CYB5D1: variants seen among roughly 807,000 people sequenced by gnomAD.
CYB5D1 encodes the protein cytochrome b5 domain-containing protein 1.
A neutral mutation model predicts 24.3 loss-of-function variants in CYB5D1; 30 were observed. The ratio of observed to expected loss-of-function variants is 1.23; its 90% CI spans 0.92 to 1.67. CYB5D1 has a LOEUF of 1.67. Among genes scored for constraint, CYB5D1 ranks in the 40% most tolerant of loss-of-function variants. CYB5D1 has a pLI of 0.00. For missense variants in CYB5D1, 265 were observed against 296.7 expected (o/e 0.89, Z 0.79); for synonymous variants, 128 against 123.2 (o/e 1.04, Z -0.26).
chr17:7,858,080 G>C lies in CYB5D1; in HGVS notation c.-55G>C. The C allele has an allele frequency of 1.2e-6, 2 of 1,605,528 alleles. No individual in the cohort carries two copies. Among genetic ancestry groups the C allele is most frequent in the African/African-American group, 2.7e-5 (2 of 74,966 alleles). On this transcript the variant is annotated 5_prime_UTR_variant, in exon 1 of 4. Transcript: ENST00000332439. ...CGGAGGTCGTAGTAGTAGTGAGTAC[G>C]TGCTGAGGAGCAAAGGAGTAACCAA...
At position 7,859,371 on chromosome 17, in the gene CYB5D1, G is replaced by A. The variant is rs141970156; in HGVS notation, c.457-11G>A. The A allele has an allele frequency of 0.023, 36,961 of 1,611,174 alleles. 580 individuals carry two copies. The highest frequency in any genetic ancestry group is 0.078 in the Middle Eastern group (473 of 6,054). ...AGAATTCTGGGGGTGGGGTGCTTCT[G>A]TGTTCTCCAGGTGGGGGTTCTGGAG... On this transcript the variant is annotated splice_polypyrimidine_tract_variant and intron_variant, in intron 3 of 3. Transcript: ENST00000332439.
At position 7,859,624 on chromosome 17, in the gene CYB5D1, T is replaced by C; in HGVS notation, c.*12T>C. On this transcript the variant is annotated 3_prime_UTR_variant, in exon 4 of 4. Transcript: ENST00000332439. ...TCACGGAGTTGTAGGCAAGGAGATG[T>C]ACACTCGTGTAGACTCAAGACGTAT... The C allele has an allele frequency of 1.2e-6, 2 of 1,611,506 alleles. No individual in the cohort carries two copies. The highest frequency in any genetic ancestry group is 1.7e-6 in the Non-Finnish European group (2 of 1,177,688).
Position 7,859,818 on chromosome 17 carries a change from T to C in CYB5D1, c.*206T>C. On this transcript the variant is annotated 3_prime_UTR_variant, in exon 4 of 4. Transcript: ENST00000332439. ...TCTGAGAAAATTAGTGAATTAATCTTTGGGAATGATACAAGAAGATCAAGT... is the reference window on the plus strand; with the variant it reads ...TCTGAGAAAATTAGTGAATTAATCTCTGGGAATGATACAAGAAGATCAAGT... 1 of 568,006 alleles carries C rather than the reference T, an allele frequency of 1.8e-6. No individual in the cohort carries two copies. The highest frequency in any genetic ancestry group is 3.1e-6 in the Non-Finnish European group (1 of 317,908). 35.2% of individuals were successfully genotyped at this position (568,006 alleles called of 1,614,324 possible).
chr17:7,862,201 A>T lies in CYB5D1; in HGVS notation c.*2589A>T, dbSNP rs2078888207. 1 of 152,138 alleles carries T rather than the reference A, an allele frequency of 6.6e-6. No homozygotes were observed. Among genetic ancestry groups the T allele is most frequent in the South Asian group, 2.1e-4 (1 of 4,828 alleles). The allele number at this position is 152,138 out of a possible 1,614,324, so 9.4% of individuals were successfully genotyped here. ...AGATTGTAAGCTCACGAGGGCAGAG[A>T]TCTTGTTCACATCTTGCTCACTGCT... is the stretch of plus-strand genomic sequence containing the variant. On this transcript the variant is annotated 3_prime_UTR_variant, in exon 4 of 4. Coordinates refer to ENST00000332439, the MANE Select transcript of CYB5D1 (RefSeq NM_144607.6).
In CYB5D1 at chr17:7,858,409, T is replaced by A; in HGVS notation, c.167T>A (p.Leu56Gln). Residue 56 changes from leucine to glutamine, a missense_variant, in exon 2 of 4, where the codon CTG (leucine) becomes CAG (glutamine). Physicochemically the swap from Leu to Gln is moderately radical, Grantham distance 113. Transcript: ENST00000332439. ...CTGTGCTGCTCTTTTCAAGGGAACC[T>A]GCTGCTGAAACCCATCGTGGAAGTT... is the stretch of plus-strand genomic sequence containing the variant. ...TSLAQEYKGN[L>Q]LLKPIVEVAG... 6.2e-7 allele frequency: 1 copy of A among 1,614,140 alleles called. No homozygotes were observed.
In CYB5D1 at chr17:7,861,227, G is replaced by C. The variant is rs376235961; in HGVS notation, c.*1615G>C. 141 of 152,206 alleles carry C rather than the reference G, an allele frequency of 9.3e-4. No individual in the cohort carries two copies. The highest frequency in any genetic ancestry group is 3.2e-3 in the African/African-American group (134 of 41,522). The allele number at this position is 152,206 out of a possible 1,614,324, so 9.4% of individuals were successfully genotyped here. The stretch of plus-strand genomic sequence containing the variant: ...GTGTCTTCTGGCAGGGGACACCAGG[G>C]CCCAGCACAGGAGAAGGTGGCCCCT... On this transcript the variant is annotated 3_prime_UTR_variant, in exon 4 of 4. Transcript: ENST00000332439.
Position 7,858,276 on chromosome 17 carries a change from T to C in CYB5D1, c.142T>C (p.Leu48=), listed in dbSNP as rs766667563. Residue 48 remains leucine, a synonymous_variant, in exon 1 of 4, where the codon TTG becomes CTG. Coordinates refer to ENST00000332439, the MANE Select transcript of CYB5D1 (RefSeq NM_144607.6). ...GGGACGCGTGTACGACCTAACGTCATTGGCACAGGAATACAAGGGTAAGGG... is the reference window on the plus strand; with the variant it reads ...GGGACGCGTGTACGACCTAACGTCACTGGCACAGGAATACAAGGGTAAGGG... ...YLGRVYDLTS[L]AQEYKGNLLL... 4 of 1,613,874 alleles carry C rather than the reference T, an allele frequency of 2.5e-6. No individual in the cohort carries two copies. The highest frequency in any genetic ancestry group is 1.3e-5 in the African/African-American group (1 of 74,922).
chr17:7,859,120 T>C, intron 3 of CYB5D1: 1 of 574,760 alleles, frequency 1.7e-6, no homozygotes, highest in East Asian at 2.9e-5. Context: ...CAATTGGACT[T>C]TCTTTTTAAT....
At chr17:7,858,337 G>T (rs1567812576) in intron 1 of CYB5D1, 43 bp downstream of exon 1, 1 of 1,613,960 alleles carries the variant, frequency 6.2e-7, no homozygotes. Flanking sequence ...GTGTGTGTGT[G>T]CACGCGCGCG....
rs2078884295 is a variant in CYB5D1 at position 7,861,711 on chromosome 17, C to T, written c.*2099C>T. 1 of 152,230 alleles carries T rather than the reference C, an allele frequency of 6.6e-6. No homozygotes were observed. Among genetic ancestry groups the T allele is most frequent in the Non-Finnish European group, 1.5e-5 (1 of 68,050 alleles). The allele number at this position is 152,230 out of a possible 1,614,324, so 9.4% of individuals were successfully genotyped here. Reference sequence around the variant, plus strand: ...CTTCTTTTCTCCAAGTTACCATCACCTCTTGTCTAAACTGCTACGGAAACT... The same window carrying T: ...CTTCTTTTCTCCAAGTTACCATCACTTCTTGTCTAAACTGCTACGGAAACT... On this transcript the variant is annotated 3_prime_UTR_variant, in exon 4 of 4. Coordinates refer to ENST00000332439, the MANE Select transcript of CYB5D1 (RefSeq NM_144607.6).
In CYB5D1 at chr17:7,859,473, A is replaced by T; in HGVS notation, c.548A>T (p.Lys183Met). ...AASYTWKYEG[K>M]NLNMDFTLEE... ...AGCTACACGTGGAAATATGAAGGGA[A>T]GAACCTGAACATGGATTTTACCCTG... Residue 183 changes from lysine to methionine, a missense_variant, in exon 4 of 4, where the codon AAG (lysine) becomes ATG (methionine). Lys to Met is a moderately conservative substitution (Grantham distance 95). Coordinates refer to ENST00000332439, the MANE Select transcript of CYB5D1 (RefSeq NM_144607.6). 3 of 1,614,210 alleles carry T rather than the reference A, an allele frequency of 1.9e-6. No homozygotes were observed.
chr17:7,858,073 T>C lies in CYB5D1; in HGVS notation c.-62T>C, dbSNP rs1365462970. On this transcript the variant is annotated 5_prime_UTR_variant, in exon 1 of 4. Coordinates refer to ENST00000332439, the MANE Select transcript of CYB5D1 (RefSeq NM_144607.6). The stretch of plus-strand genomic sequence containing the variant: ...GACGCGACGGAGGTCGTAGTAGTAG[T>C]GAGTACGTGCTGAGGAGCAAAGGAG... 8 of 1,599,488 alleles carry C rather than the reference T, an allele frequency of 5.0e-6. No homozygotes were observed. The highest frequency in any genetic ancestry group is 1.3e-5 in the African/African-American group (1 of 74,706).
At chr17:7,859,330 T>C (rs972303050) in intron 3 of CYB5D1, 52 bp from the exon 4 acceptor site, 8 of 1,453,750 alleles carry the variant, frequency 5.5e-6, no homozygotes, top group Non-Finnish European at 7.7e-6. Flanking sequence ...AGCGTGTGTA[T>C]ATGTATACTC....
Position 7,858,006 on chromosome 17 carries a change from G to C in CYB5D1, c.-129G>C. 1 of 1,520,302 alleles carries C rather than the reference G, an allele frequency of 6.6e-7. No homozygotes were observed. The highest frequency in any genetic ancestry group is 8.8e-7 in the Non-Finnish European group (1 of 1,141,212). 94.2% of individuals were successfully genotyped at this position (1,520,302 alleles called of 1,614,324 possible). A position where few individuals can be genotyped will look rare whatever the true frequency, so the allele number is the denominator to read the frequency against. The stretch of plus-strand genomic sequence containing the variant: ...TGGACGGTGGCCGGAAAAGGACAAT[G>C]GTTTCCATGTCAGCGGATAAACGCT... On this transcript the variant is annotated 5_prime_UTR_variant, in exon 1 of 4. It removes an upstream start codon present in the reference 5' UTR. Transcript: ENST00000332439.
rs913580239 is a variant in CYB5D1, at chr17:7,861,664, C to T, written c.*2052C>T. On this transcript the variant is annotated 3_prime_UTR_variant, in exon 4 of 4. Transcript: ENST00000332439. ...GTCACTCATCAAGTGTAATCTGTCT[C>T]CTAAATATCTCTGGAACCTATCTTC... 1 of 152,190 alleles carries T rather than the reference C, an allele frequency of 6.6e-6. No individual in the cohort carries two copies. The highest frequency in any genetic ancestry group is 1.5e-5 in the Non-Finnish European group (1 of 68,034). 9.4% of individuals were successfully genotyped at this position (152,190 alleles called of 1,614,324 possible).
At chr17:7,859,184 G>A in intron 3 of CYB5D1, 198 bp from the exon 4 acceptor site, 1 of 605,004 alleles carries the variant, frequency 1.7e-6, no homozygotes, top group Non-Finnish European at 2.9e-6. Context: ...ATGGCCATCC[G>A]GTAGTTAGAA....
intron 3 of CYB5D1, 169 bp from the exon 4 acceptor site, chr17:7,859,213 T>C (rs555857908): frequency 1.5e-5 from 9 of 619,500 alleles, no homozygotes; most frequent in Non-Finnish European, 2.5e-5. Flanking sequence ...CATTAAGATC[T>C]GTAGGACTTT....
At position 7,858,476 on chromosome 17, in the gene CYB5D1, A is replaced by T; in HGVS notation, c.234A>T (p.Arg78Ser). 2 of 1,614,184 alleles carry T rather than the reference A, an allele frequency of 1.2e-6. No homozygotes were observed. Among genetic ancestry groups the T allele is most frequent in the South Asian group, 2.2e-5 (2 of 91,088 alleles). ...GCCACTGGTTTGATCCAAAGACCAG[A>T]GACGTGAGTTATGCTGGAACCTGGG... ...DISHWFDPKT[R>S]DIRKHIDPLT... The change falls in exon 2 of 4, where the codon AGA becomes AGT. Residue 78 changes from arginine to serine, a missense_variant. Physicochemically the swap from Arg to Ser is moderately radical, Grantham distance 110 (BLOSUM62 -1). Transcript: ENST00000332439.
rs141207743 is a variant in CYB5D1 at position 7,858,006 on chromosome 17, G to A, written c.-129G>A. The A allele has an allele frequency of 2.6e-5, 39 of 1,520,302 alleles. No homozygotes were observed. Among genetic ancestry groups the A allele is most frequent in the African/African-American group, 4.1e-5 (3 of 72,602 alleles). 94.2% of individuals were successfully genotyped at this position (1,520,302 alleles called of 1,614,324 possible). A position where few individuals can be genotyped will look rare whatever the true frequency, so the allele number is the denominator to read the frequency against. ...TGGACGGTGGCCGGAAAAGGACAAT[G>A]GTTTCCATGTCAGCGGATAAACGCT... On this transcript the variant is annotated 5_prime_UTR_variant, in exon 1 of 4. An upstream start codon of the reference 5' UTR is lost. Transcript: ENST00000332439.
Sources: gnomAD v4.1 joint callset for allele counts on GRCh38, gnomAD v4.1.1 for gene constraint, MANE v1.5 for transcripts, NCBI Gene and HGNC (gene_info 2026-07-23, HGNC 2026-07-21) for gene names.